The following PDE10A variants were observed in gnomAD, a reference collection of about 807,000 sequenced individuals.
PDE10A encodes the protein phosphodiesterase 10A.
In PDE10A, 39 loss-of-function variants were observed where a neutral mutation model predicts 97.7. The observed-to-expected ratio is 0.40, with a 90% CI of 0.31 to 0.52. The LOEUF (loss-of-function observed/expected upper bound fraction) is 0.52, where lower values mean the gene tolerates loss of function less well. Among genes scored for constraint, PDE10A ranks in the 20% least tolerant of loss-of-function variants. PDE10A has a pLI of 0.56. For synonymous variants in PDE10A, 371 were observed against 376.8 expected (o/e 0.98, Z 0.18); for missense variants, 731 against 1,047.8 (o/e 0.70, Z 4.17).
At chr6:165,612,513 C>T (rs971712777) in intron 1 of PDE10A, among the ~76,000 whole-genome samples, 4 of 152,024 alleles carry the variant, frequency 2.6e-5, no homozygotes, top group Non-Finnish European at 4.4e-5. Flanking sequence ...GGATTACAAG[C>T]GCCCGCCACC....
At position 165,447,335 on chromosome 6, in the gene PDE10A, C is replaced by T. The variant is rs913570873; in HGVS notation, c.1194+1593G>A. The stretch of plus-strand genomic sequence containing the variant: ...TTGTTACCACTTTTGTTCAGGTGAA[C>T]GGCTAGAATTGCTGAGTCCAAGATA... On this transcript the variant is annotated intron_variant, in intron 5 of 21. Coordinates refer to ENST00000539869, the MANE Select transcript of PDE10A (RefSeq NM_001385079.1). Among the ~76,000 whole-genome samples, 15 of 152,268 alleles carry T rather than the reference C, an allele frequency of 9.9e-5. No homozygotes were observed. In the East Asian group the frequency reaches 1.7e-3, roughly 18 times the overall value.
chr6:165,517,540 T>C (rs575864514), intron 2 of PDE10A, among the ~76,000 whole-genome samples: 40 of 152,274 alleles, frequency 2.6e-4, no homozygotes, highest in African/African-American at 9.4e-4. Context: ...ATCCGATAAA[T>C]TGTGGTACAT....
chr6:165,636,847 C>T (rs1042919190), intron 1 of PDE10A, among the ~76,000 whole-genome samples: 1 of 152,118 alleles, frequency 6.6e-6, no homozygotes, highest in Non-Finnish European at 1.5e-5. Flanking sequence ...CCCCTCACCT[C>T]GGAAGGGCAA....
intron 3 of PDE10A, among the ~76,000 whole-genome samples, chr6:165,475,303 A>T (rs1258943386): frequency 6.6e-6 from 1 of 152,222 alleles, no homozygotes; most frequent in Non-Finnish European, 1.5e-5. Context: ...TCTTAAATGC[A>T]TTAACAGAAA....
chr6:165,752,424 C>G (rs1261715084), intron 1 of PDE10A, among the ~76,000 whole-genome samples: 1 of 152,182 alleles, frequency 6.6e-6, no homozygotes, highest in East Asian at 1.9e-4. Flanking sequence ...CTGCACTGAA[C>G]CTGGGCTCCT....
chr6:165,484,206 C>G (rs1025755832), intron 2 of PDE10A, among the ~76,000 whole-genome samples: 3 of 152,216 alleles, frequency 2.0e-5, no homozygotes, highest in African/African-American at 4.8e-5. Flanking sequence ...TAGTTGAACT[C>G]TCTTGCCCAA....
At chr6:165,342,615 C>G (rs142178332) in intron 19 of PDE10A, among the ~76,000 whole-genome samples, 70 of 152,246 alleles carry the variant, frequency 4.6e-4, no homozygotes, top group African/African-American at 1.6e-3. Context: ...ATGAGATATA[C>G]GATTGAATTA....
intron 1 of PDE10A, chr6:165,894,527 T>C (rs1320924467): frequency 2.2e-6 from 1 of 455,914 alleles, no homozygotes; most frequent in African/African-American, 2.0e-5. Context: ...GAGGGAGTTT[T>C]AATAGACCAC....
chr6:165,806,627 A>G (rs1377665319), intron 1 of PDE10A, among the ~76,000 whole-genome samples: 1 of 150,370 alleles, frequency 6.7e-6, no homozygotes, highest in Admixed American at 6.7e-5. Context: ...CTTCCTGGAC[A>G]TGCTGCATGG....
chr6:165,453,438 C>T (rs184445364), intron 3 of PDE10A, among the ~76,000 whole-genome samples: 2 of 152,338 alleles, frequency 1.3e-5, no homozygotes, highest in African/African-American at 4.8e-5. Flanking sequence ...GACCATAAAG[C>T]TGCTTCAGAG....
chr6:165,335,718 A>G (rs1257897066), intron 21 of PDE10A, among the ~76,000 whole-genome samples: 2 of 151,984 alleles, frequency 1.3e-5, no homozygotes, highest in Admixed American at 6.6e-5. Context: ...CCCTTTCTCA[A>G]AGAAAGACCT....
At chr6:165,619,504 G>GTAGTGTAGTGTAGTCTAGTGTAGTC (rs1787990783) in intron 1 of PDE10A, among the ~76,000 whole-genome samples, 1 of 19,322 alleles carries the variant, frequency 5.2e-5, no homozygotes. Context: ...GTAGTCTAGT[G>GTAGTGTAGTGTAGTCTAGTGTAGTC]TAGTGTAGTC....
chr6:165,691,106 T>TCTCTTCC (rs143783728), intron 1 of PDE10A, among the ~76,000 whole-genome samples: 3 of 39,094 alleles, frequency 7.7e-5, no homozygotes, highest in African/African-American at 3.4e-4. Context: ...TCTTTCTCTC[T>TCTCTTCC]CCCCCCCCCC....
intron 1 of PDE10A, among the ~76,000 whole-genome samples, chr6:165,839,946 T>C (rs1407762224): frequency 1.2e-4 from 18 of 151,840 alleles, no homozygotes; most frequent in East Asian, 5.8e-4. Flanking sequence ...TATCTTCATT[T>C]CCATCCCCAT....
chr6:165,704,042 G>A lies in PDE10A; in HGVS notation c.-614-160474C>T, dbSNP rs542948251. Among the ~76,000 whole-genome samples, 5 of 152,208 alleles carry A rather than the reference G, an allele frequency of 3.3e-5. No individual in the cohort carries two copies. The East Asian group carries it at 7.7e-4, about 24-fold the overall frequency. ...CACACGCCCAAACATATTCACACTC[G>A]TTCACCAAGGAGGGAGTAAACTCAA... On this transcript the variant is annotated intron_variant, in intron 1 of 19. Coordinates refer to the PDE10A transcript ENST00000366882.
intron 1 of PDE10A, among the ~76,000 whole-genome samples, chr6:165,774,427 G>A (rs1778103434): frequency 6.8e-6 from 1 of 147,566 alleles, no homozygotes; most frequent in Admixed American, 6.8e-5. Flanking sequence ...TATTGCTCTT[G>A]AATATACGTA....
chr6:165,351,256 G>C (rs1429205014), intron 18 of PDE10A, among the ~76,000 whole-genome samples: 2 of 152,082 alleles, frequency 1.3e-5, no homozygotes, highest in Admixed American at 1.3e-4. Context: ...TGGTCACAAT[G>C]TCAATATGAG....
intron 18 of PDE10A, among the ~76,000 whole-genome samples, chr6:165,374,486 C>G (rs1212933184): frequency 6.6e-6 from 1 of 151,624 alleles, no homozygotes. Flanking sequence ...AACAATTCAA[C>G]AAAGTATAAG....
chr6:165,842,370 C>G (rs1780287264), intron 1 of PDE10A, among the ~76,000 whole-genome samples: 1 of 152,198 alleles, frequency 6.6e-6, no homozygotes, highest in Non-Finnish European at 1.5e-5. Context: ...ATTAGAGTCC[C>G]TCAACAGTTC....
Sources: gnomAD v4.1 joint callset for allele counts (sites outside exome capture counted in the v4.1 genomes callset) on GRCh38, gnomAD v4.1.1 for gene constraint, MANE v1.5 for transcripts, NCBI Gene and HGNC (gene_info 2026-07-23, HGNC 2026-07-21) for gene names.